Variants in TM4SF1 observed in about 807,000 individuals in gnomAD.
TM4SF1 encodes the protein transmembrane 4 L6 family member 1.
Under a neutral mutation model 24.5 loss-of-function variants are expected in TM4SF1, and 20 were observed. That is an observed-to-expected ratio of 0.82 (90% CI 0.57 to 1.19). The LOEUF is 1.19. Among genes scored for constraint, TM4SF1 ranks in the 50% most tolerant of loss-of-function variants. TM4SF1 has a pLI of 0.00. For missense variants in TM4SF1, 258 were observed against 248.1 expected, an observed-to-expected ratio of 1.04 and a Z score of -0.27; for synonymous variants, 107 against 95.4, an observed-to-expected ratio of 1.12 and a Z score of -0.71.
Position 149,371,863 on chromosome 3 carries a change from G to T in TM4SF1, c.418C>A (p.Leu140Ile), listed in dbSNP as rs762391407. Residue 140 changes from leucine to isoleucine, a missense_variant, in exon 4 of 5, where the codon CTT becomes ATT. By Grantham distance (5) the Leu-to-Ile change is conservative. Coordinates refer to ENST00000305366, the MANE Select transcript of TM4SF1 (RefSeq NM_014220.3). ...YTFASTEGQY[L>I]LDTSTWSECT... is the part of the protein sequence containing the mutation. ...TCGGACCATGTGGAGGTATCCAGAA[G>T]GTACCTGTGGGTAAAAAGAGAAACT... The T allele has an allele frequency of 6.2e-7, 1 of 1,613,864 alleles. No individual in the cohort carries two copies. The highest frequency in any genetic ancestry group is 8.5e-7 in the Non-Finnish European group (1 of 1,179,938).
At chr3:149,373,773 G>A (rs1046772059) in intron 3 of TM4SF1, among the ~76,000 whole-genome samples, 16 of 152,174 alleles carry the variant, frequency 1.1e-4, no homozygotes, top group African/African-American at 3.9e-4. Flanking sequence ...AGAGGAGGAA[G>A]GTTTCTTGTA....
chr3:149,376,484 C>A (rs889206653), intron 1 of TM4SF1, among the ~76,000 whole-genome samples: 1 of 152,124 alleles, frequency 6.6e-6, no homozygotes, highest in Non-Finnish European at 1.5e-5. Flanking sequence ...GCCTGGGCAA[C>A]ATGGCGAAAC....
intron 3 of TM4SF1, among the ~76,000 whole-genome samples, chr3:149,374,591 T>C (rs1413000249): frequency 6.6e-6 from 1 of 152,188 alleles, no homozygotes; most frequent in Admixed American, 6.5e-5. Context: ...AGTATCAACA[T>C]AGAATGGTAG....
At chr3:149,374,596 T>A (rs1731904864) in intron 3 of TM4SF1, among the ~76,000 whole-genome samples, 1 of 152,190 alleles carries the variant, frequency 6.6e-6, no homozygotes, top group African/African-American at 2.4e-5. Context: ...CAACATAGAA[T>A]GGTAGAACAG....
At position 149,371,851 on chromosome 3, in the gene TM4SF1, A is replaced by T. The variant is rs761475110; in HGVS notation, c.430T>A (p.Ser144Thr). The T allele has an allele frequency of 6.2e-7, 1 of 1,614,070 alleles. No homozygotes were observed. Among genetic ancestry groups the T allele is most frequent in the East Asian group, 2.2e-5 (1 of 44,878 alleles). ...STEGQYLLDT[S>T]TWSECTEPKH... ...GGTTCAGTGCACTCGGACCATGTGGAGGTATCCAGAAGGTACCTGTGGGTA... is the reference window on the plus strand; with the variant it reads ...GGTTCAGTGCACTCGGACCATGTGGTGGTATCCAGAAGGTACCTGTGGGTA... The change falls in exon 4 of 5, where the codon TCC becomes ACC. Residue 144 changes from serine (S) to threonine (T), a missense_variant. By Grantham distance (58) the Ser-to-Thr change is moderately conservative. Transcript: ENST00000305366.
intron 1 of TM4SF1, 100 bp from the exon 2 acceptor site, chr3:149,375,869 T>A: frequency 9.0e-7 from 1 of 1,112,914 alleles, no homozygotes; most frequent in Non-Finnish European, 1.3e-6. Context: ...CCAATGACAT[T>A]AACTGGCTTT....
At position 149,375,724 on chromosome 3, in the gene TM4SF1, A is replaced by C. The variant is rs760042528; in HGVS notation, c.223T>G (p.Cys75Gly). 6.2e-7 allele frequency: 1 copy of C among 1,614,222 alleles called. No individual in the cohort carries two copies. Among genetic ancestry groups the C allele is most frequent in the Non-Finnish European group, 8.5e-7 (1 of 1,180,028 alleles). ...TTTTCATGGCCACAGCAGCCACAGC[A>C]GTCATCCTGTTCCAGCCCAATGAAG... ...FVFIGLEQDD[C>G]CGCCGHENCG... is the part of the protein sequence containing the mutation. Residue 75 changes from cysteine (C) to glycine (G), a missense_variant, in exon 2 of 5, where the codon TGC becomes GGC. Cys to Gly is a radical substitution (Grantham distance 159). Transcript: ENST00000305366.
intron 4 of TM4SF1, 134 bp downstream of exon 4, chr3:149,371,553 G>T: frequency 1.1e-6 from 1 of 870,800 alleles, no homozygotes; most frequent in Non-Finnish European, 1.9e-6. Context: ...TGCTATAATT[G>T]TGTTGCTACA....
In TM4SF1 at chr3:149,371,761, A is replaced by G. The variant is rs1271843596; in HGVS notation, c.520T>C (p.Phe174Leu). ...SILLALGGIE[F>L]ILCLIQVING... is the part of the protein sequence containing the mutation. ...ATTACTTGAATAAGACACAAGATGA[A>G]TTCAATTCCACCAAGAGCCAAGAGG... Residue 174 changes from phenylalanine to leucine, a missense_variant, in exon 4 of 5, where the codon TTC (phenylalanine) becomes CTC (leucine). By Grantham distance (22) the Phe-to-Leu change is conservative. Transcript: ENST00000305366. 3 of 1,614,072 alleles carry G rather than the reference A, an allele frequency of 1.9e-6. No homozygotes were observed. The highest frequency in any genetic ancestry group is 1.3e-5 in the African/African-American group (1 of 74,934).
In TM4SF1 at chr3:149,375,697, A is replaced by G. The variant is rs767605621; in HGVS notation, c.250T>C (p.Cys84Arg). 2 of 1,614,096 alleles carry G rather than the reference A, an allele frequency of 1.2e-6. No homozygotes were observed. Among genetic ancestry groups the G allele is most frequent in the Non-Finnish European group, 1.7e-6 (2 of 1,180,032 alleles). Residue 84 changes from cysteine to arginine, a missense_variant, in exon 2 of 5, where the codon TGT becomes CGT. Transcript: ENST00000305366. ...GGACCTACCGCACATCGTTTGCCAC[A>G]GTTTTCATGGCCACAGCAGCCACAG... is the stretch of plus-strand genomic sequence containing the variant. ...DCCGCCGHEN[C>R]GKRCAMLSSV...
intron 4 of TM4SF1, chr3:149,371,373 AC>A (rs984203792): frequency 1.8e-6 from 1 of 546,756 alleles, no homozygotes; most frequent in Non-Finnish European, 3.2e-6. Flanking sequence ...AGCAGACATC[AC>A]TTTTTTTTCT....
chr3:149,371,457 T>C (rs924273696), intron 4 of TM4SF1: 9 of 605,628 alleles, frequency 1.5e-5, no homozygotes, highest in Non-Finnish European at 2.3e-5. Flanking sequence ...AGCATGTTCT[T>C]GTGTACATAG....
chr3:149,369,184 T>A lies in TM4SF1; in HGVS notation c.*682A>T, dbSNP rs10905. On this transcript the variant is annotated 3_prime_UTR_variant, in exon 5 of 5. Coordinates refer to ENST00000305366, the MANE Select transcript of TM4SF1 (RefSeq NM_014220.3). Reference sequence around the variant, plus strand: ...CCAGTCATCGTAGCCTTTCTTTTTTTAAACACATGATCCCTAGTACTCATC... The same window carrying A: ...CCAGTCATCGTAGCCTTTCTTTTTTAAAACACATGATCCCTAGTACTCATC... 1 of 152,202 alleles carries A rather than the reference T, an allele frequency of 6.6e-6. No individual in the cohort carries two copies. The allele number at this position is 152,202 out of a possible 1,614,324, so 9.4% of individuals were successfully genotyped here. A position where few individuals can be genotyped will look rare whatever the true frequency, so the allele number is the denominator to read the frequency against.
chr3:149,369,856 G>C lies in TM4SF1; in HGVS notation c.*10C>G. The C allele has an allele frequency of 6.2e-7, 1 of 1,607,888 alleles. No homozygotes were observed. Among genetic ancestry groups the C allele is most frequent in the Non-Finnish European group, 8.5e-7 (1 of 1,178,156 alleles). ...GAGGAAGATTGTGGCTCTGTCCTGGGTTGGTTCTTTTAGCAGTCATATTGC... is the reference window on the plus strand; with the variant it reads ...GAGGAAGATTGTGGCTCTGTCCTGGCTTGGTTCTTTTAGCAGTCATATTGC... On this transcript the variant is annotated 3_prime_UTR_variant, in exon 5 of 5. Transcript: ENST00000305366.
Position 149,372,167 on chromosome 3 carries a change from CAAAAAT to C in TM4SF1, c.414-306_414-301del, listed in dbSNP as rs528902764. Among the ~76,000 whole-genome samples, 17 of 152,086 alleles carry C rather than the reference CAAAAAT, an allele frequency of 1.1e-4. No individual in the cohort carries two copies. In the South Asian group the frequency reaches 3.5e-3, roughly 32 times the overall value. ...TAACAGGCATCTGAATTCTTATAAA[CAAAAAT>C]AAAAATGCAGAACTGTATTTGTGCT... On this transcript the variant is annotated intron_variant, in intron 3 of 4. Transcript: ENST00000305366.
chr3:149,372,489 C>G (rs1731848393), intron 3 of TM4SF1, among the ~76,000 whole-genome samples: 1 of 151,880 alleles, frequency 6.6e-6, no homozygotes, highest in Non-Finnish European at 1.5e-5. Flanking sequence ...TATCCAAATT[C>G]TGGCAAGTTT....
intron 3 of TM4SF1, 135 bp downstream of exon 3, chr3:149,375,308 C>T (rs1199069695): frequency 8.8e-7 from 1 of 1,135,660 alleles, no homozygotes; most frequent in Non-Finnish European, 1.2e-6. Context: ...TAAACCATGC[C>T]TGAGTCAGTG....
intron 3 of TM4SF1, among the ~76,000 whole-genome samples, chr3:149,372,733 C>T (rs1731857376): frequency 6.6e-6 from 1 of 152,198 alleles, no homozygotes; most frequent in South Asian, 2.1e-4. Context: ...AAGCCATTCT[C>T]CTGCCTCAGC....
chr3:149,369,707 C>G lies in TM4SF1; in HGVS notation c.*159G>C. The G allele has an allele frequency of 1.2e-6, 1 of 821,762 alleles. No individual in the cohort carries two copies. Among genetic ancestry groups the G allele is most frequent in the South Asian group, 1.8e-5 (1 of 56,158 alleles). 50.9% of individuals were successfully genotyped at this position (821,762 alleles called of 1,614,324 possible). A position where few individuals can be genotyped will look rare whatever the true frequency, so the allele number is the denominator to read the frequency against. On this transcript the variant is annotated 3_prime_UTR_variant, in exon 5 of 5. Coordinates refer to ENST00000305366, the MANE Select transcript of TM4SF1 (RefSeq NM_014220.3). ...AAAAGAAGTTTACTAAATTTAAACA[C>G]TGACATCCTGTGAAGATGCCAGTCT...
Sources: allele counts gnomAD v4.1 joint callset (sites outside exome capture counted in the v4.1 genomes callset), GRCh38; gene constraint gnomAD v4.1.1; transcripts MANE v1.5; gene names NCBI Gene and HGNC (gene_info 2026-07-23, HGNC 2026-07-21).